Variants in RALA observed in about 807,000 individuals in gnomAD.
The protein encoded by RALA is RAS like proto-oncogene A.
A neutral mutation model predicts 24.0 loss-of-function variants in RALA; 5 were observed. The ratio of observed to expected loss-of-function variants is 0.21; its 90% CI spans 0.11 to 0.44. RALA has a LOEUF of 0.44. RALA is among the 20% of genes least tolerant of loss of function. RALA has a pLI of 0.99. For synonymous variants in RALA, 77 were observed against 83.8 expected, an observed-to-expected ratio of 0.92 and a Z score of 0.44; for missense variants, 95 against 241.2, an observed-to-expected ratio of 0.39 and a Z score of 4.01.
chr7:39,701,947 C>T (rs144531216), intron 4 of RALA, among the ~76,000 whole-genome samples: 2 of 152,224 alleles, frequency 1.3e-5, no homozygotes, highest in East Asian at 1.9e-4. Context: ...TCTTAATTCA[C>T]GACTCCAAGG....
intron 1 of RALA, among the ~76,000 whole-genome samples, chr7:39,643,439 G>A (rs1791854642): frequency 2.0e-5 from 3 of 152,184 alleles, no homozygotes; most frequent in South Asian, 2.1e-4. Context: ...GCAGAAAAAC[G>A]GCCAGGCGCA....
intron 1 of RALA, among the ~76,000 whole-genome samples, chr7:39,667,395 G>T (rs1792303298): frequency 6.6e-6 from 1 of 152,184 alleles, no homozygotes; most frequent in Non-Finnish European, 1.5e-5. Flanking sequence ...TTCTGTAATA[G>T]CACTGAGAAT....
chr7:39,627,701 G>A (rs1791518185), intron 1 of RALA, among the ~76,000 whole-genome samples: 1 of 152,170 alleles, frequency 6.6e-6, no homozygotes, highest in Non-Finnish European at 1.5e-5. Context: ...TAAAAGTGGA[G>A]GTTGCCACAC....
chr7:39,630,448 T>C (rs1044086543), intron 1 of RALA, among the ~76,000 whole-genome samples: 4 of 152,220 alleles, frequency 2.6e-5, no homozygotes, highest in African/African-American at 9.6e-5. Context: ...TTTTGACATA[T>C]GTTGCAGATA....
chr7:39,706,721 A>G lies in RALA; in HGVS notation c.*476A>G, dbSNP rs1427208907. ...TTATGCAAAATTTAGAAGAAAAGTTATTGGCATGGTTGTTGCATATAGTTA... is the reference window on the plus strand; with the variant it reads ...TTATGCAAAATTTAGAAGAAAAGTTGTTGGCATGGTTGTTGCATATAGTTA... On this transcript the variant is annotated 3_prime_UTR_variant, in exon 5 of 5. Transcript: ENST00000005257. 1 of 152,764 alleles carries G rather than the reference A, an allele frequency of 6.5e-6. No individual in the cohort carries two copies. The highest frequency in any genetic ancestry group is 1.9e-4 in the East Asian group (1 of 5,222). 9.5% of individuals were successfully genotyped at this position (152,764 alleles called of 1,614,324 possible).
At chr7:39,627,679 A>G (rs906481796) in intron 1 of RALA, among the ~76,000 whole-genome samples, 22 of 152,216 alleles carry the variant, frequency 1.4e-4, no homozygotes, top group African/African-American at 5.3e-4. Flanking sequence ...AGAAGCTAAC[A>G]TAGTACTCCA....
intron 1 of RALA, among the ~76,000 whole-genome samples, chr7:39,676,233 C>G (rs1054548354): frequency 2.6e-5 from 4 of 152,150 alleles, no homozygotes. Flanking sequence ...CCTCGGCCTC[C>G]CAAAGTGCTG....
chr7:39,692,576 C>T (rs1792840497), intron 3 of RALA, among the ~76,000 whole-genome samples: 1 of 152,134 alleles, frequency 6.6e-6, no homozygotes, highest in Admixed American at 6.5e-5. Flanking sequence ...TTTTCTCTGA[C>T]ATCCAGCAAA....
chr7:39,643,369 G>A (rs528893302), intron 1 of RALA, among the ~76,000 whole-genome samples: 3 of 152,310 alleles, frequency 2.0e-5, no homozygotes, highest in Non-Finnish European at 4.4e-5. Flanking sequence ...GGATGCTGCT[G>A]CAGGCAGGCA....
intron 2 of RALA, among the ~76,000 whole-genome samples, chr7:39,688,990 C>T (rs534456663): frequency 8.5e-5 from 13 of 152,080 alleles, no homozygotes; most frequent in African/African-American, 2.2e-4. Flanking sequence ...CGAGCACACG[C>T]GAGCAAGGGA....
chr7:39,687,310 C>A (rs1287652283), intron 2 of RALA, among the ~76,000 whole-genome samples: 4 of 151,902 alleles, frequency 2.6e-5, no homozygotes, highest in African/African-American at 7.3e-5. Flanking sequence ...GCCTGTAGTC[C>A]CAGCTACTCG....
At chr7:39,628,095 T>C (rs1791524971) in intron 1 of RALA, among the ~76,000 whole-genome samples, 1 of 151,918 alleles carries the variant, frequency 6.6e-6, no homozygotes, top group African/African-American at 2.4e-5. Context: ...CCATTTCCTC[T>C]TCCTGGAATT....
At chr7:39,669,846 G>A (rs1583733040) in intron 1 of RALA, among the ~76,000 whole-genome samples, 1 of 146,412 alleles carries the variant, frequency 6.8e-6, no homozygotes, top group South Asian at 2.1e-4. Flanking sequence ...TAAACTTTCT[G>A]TCACTATTCT....
chr7:39,689,249 TC>T (rs1293343494), intron 2 of RALA, among the ~76,000 whole-genome samples: 7 of 152,248 alleles, frequency 4.6e-5, no homozygotes, highest in South Asian at 4.1e-4. Context: ...CACCTCAGCC[TC>T]CCTAACTGCT....
chr7:39,663,505 G>T (rs1792230573), intron 1 of RALA, among the ~76,000 whole-genome samples: 1 of 151,766 alleles, frequency 6.6e-6, no homozygotes. Flanking sequence ...GTGCTCCCAA[G>T]AAGCAGAGAA....
intron 1 of RALA, among the ~76,000 whole-genome samples, chr7:39,683,823 C>T (rs1157176869): frequency 1.4e-5 from 2 of 146,976 alleles, no homozygotes; most frequent in African/African-American, 5.1e-5. Context: ...GTAGTGACTG[C>T]TAAGTGTTTT....
chr7:39,629,753 G>A (rs1414004640), intron 1 of RALA, among the ~76,000 whole-genome samples: 3 of 152,162 alleles, frequency 2.0e-5, no homozygotes, highest in Non-Finnish European at 4.4e-5. Flanking sequence ...GTGCCACCAC[G>A]CCTGGCTAAT....
intron 1 of RALA, among the ~76,000 whole-genome samples, chr7:39,681,302 C>CTTTTTTTTT (rs70996832): frequency 0.025 from 1,253 of 50,060 alleles, 228 homozygotes; most frequent in Non-Finnish European, 0.037. Flanking sequence ...CACCCTATTC[C>CTTTTTTTTT]TTTTTTTTTT....
Position 39,652,225 on chromosome 7 carries a change from C to T in RALA, c.-38+28400C>T, listed in dbSNP as rs148927002. 2.4e-3 allele frequency among the ~76,000 whole-genome samples: 368 copies of T among 152,288 alleles called. 2 individuals carry two copies. Among genetic ancestry groups the T allele is most frequent in the African/African-American group, 8.6e-3 (358 of 41,554 alleles). ...CTTTTATAAGGGCACCAATCCCACC[C>T]ATGAGGGTGGCCTCTTATGGTTTAC... On this transcript the variant is annotated intron_variant, in intron 1 of 4. Transcript: ENST00000005257.
Sources: allele counts gnomAD v4.1 joint callset (sites outside exome capture counted in the v4.1 genomes callset), GRCh38; gene constraint gnomAD v4.1.1; transcripts MANE v1.5; gene names NCBI Gene and HGNC (gene_info 2026-07-23, HGNC 2026-07-21).